The following PCDHGB4 variants were observed in gnomAD, a reference collection of about 807,000 sequenced individuals.
The protein encoded by PCDHGB4 is protocadherin gamma subfamily B, 4.
Under a neutral mutation model 60.5 loss-of-function variants are expected in PCDHGB4, and 38 were observed. The ratio of observed to expected loss-of-function variants is 0.63; its 90% CI spans 0.48 to 0.82. The LOEUF is 0.82. PCDHGB4 is among the 40% of genes least tolerant of loss of function. The pLI, the probability that PCDHGB4 is intolerant of heterozygous loss-of-function variation, is 0.00. For missense variants in PCDHGB4, 1,109 were observed against 1,209.6 expected (o/e 0.92, Z 1.23); for synonymous variants, 456 against 509.7 (o/e 0.89, Z 1.42).
chr5:141,394,211 G>A, intron 1 of PCDHGB4: 1 of 1,613,888 alleles, frequency 6.2e-7, no homozygotes, highest in Non-Finnish European at 8.5e-7. Flanking sequence ...AGAACAACCT[G>A]AGAGGAGCCT....
At chr5:141,403,890 C>A in intron 1 of PCDHGB4, 1 of 1,613,714 alleles carries the variant, frequency 6.2e-7, no homozygotes, top group Non-Finnish European at 8.5e-7. Flanking sequence ...GAAGAATGTT[C>A]ATTTTATGAA....
intron 1 of PCDHGB4, chr5:141,428,481 C>T (rs2097141995): frequency 3.0e-6 from 1 of 331,008 alleles, no homozygotes; most frequent in Non-Finnish European, 5.8e-6. Flanking sequence ...TGCTTTATTC[C>T]TGCAATCTGT....
chr5:141,425,317 C>T (rs78746536), intron 1 of PCDHGB4, among the ~76,000 whole-genome samples: 174 of 152,168 alleles, frequency 1.1e-3, no homozygotes, highest in East Asian at 3.7e-3. Context: ...TTCCCAAGAT[C>T]GTGGAGAACA....
In PCDHGB4 at chr5:141,389,615, G is replaced by A. The variant is rs552257647; in HGVS notation, c.1731G>A (p.Pro577=). 11 of 1,612,972 alleles carry A rather than the reference G, an allele frequency of 6.8e-6. No individual in the cohort carries two copies. The African/African-American group carries it at 8.0e-5, about 12-fold the overall frequency. Residue 577 remains proline, a synonymous_variant, in exon 1 of 4, where the codon CCG becomes CCA. Transcript: ENST00000519479. ...PDGSALFDMV[P]HAAEPGYLVT... ...GCTCTGCGCTCTTCGATATGGTGCC[G>A]CACGCTGCAGAGCCTGGCTACTTGG...
At chr5:141,411,578 T>C (rs892738350) in intron 1 of PCDHGB4, 10 of 152,194 alleles carry the variant, frequency 6.6e-5, no homozygotes, top group African/African-American at 2.4e-4. Flanking sequence ...AGTGCGACCC[T>C]GTCTCTAAAA....
At chr5:141,447,696 G>A (rs1273958794) in intron 1 of PCDHGB4, among the ~76,000 whole-genome samples, 1 of 152,096 alleles carries the variant, frequency 6.6e-6, no homozygotes, top group Non-Finnish European at 1.5e-5. Context: ...TAGAGGGATG[G>A]GTTATAAGGA....
Position 141,487,315 on chromosome 5 carries a change from G to C in PCDHGB4, c.2398-7492G>C, listed in dbSNP as rs568326280. On this transcript the variant is annotated intron_variant, in intron 1 of 3. Transcript: ENST00000519479. The surrounding 1 kb of genome is among the most constrained non-coding windows in gnomAD (Gnocchi z 5.0). ...GCTCATTCGTGGCACTACTCTCTAA[G>C]TGTCTTCGTGGGGCAGCCTGTGGAG... 6.2e-7 allele frequency: 1 copy of C among 1,614,166 alleles called. No individual in the cohort carries two copies. Among genetic ancestry groups the C allele is most frequent in the Admixed American group, 1.7e-5 (1 of 60,028 alleles).
chr5:141,481,288 A>AGTC (rs2099535099), intron 1 of PCDHGB4, among the ~76,000 whole-genome samples: 1 of 152,188 alleles, frequency 6.6e-6, no homozygotes, highest in Admixed American at 6.5e-5. Flanking sequence ...ATGGTATTTC[A>AGTC]GTCATCTAAG....
chr5:141,414,724 G>A (rs1461729604), intron 1 of PCDHGB4: 48 of 1,614,138 alleles, frequency 3.0e-5, no homozygotes, highest in Non-Finnish European at 3.9e-5. Context: ...AGACACTGGC[G>A]TCCTGTATGC....
In PCDHGB4 at chr5:141,414,483, A is replaced by G. The variant is rs756254490; in HGVS notation, c.2397+24202A>G. 20 of 1,613,826 alleles carry G rather than the reference A, an allele frequency of 1.2e-5. No homozygotes were observed. In the Admixed American group the frequency reaches 1.8e-4, roughly 15 times the overall value. ...CCACAGATGGGGGAAGTCCTCCTCT[A>G]TCAACGGAAGCTCACTTTATGCTAC... On this transcript the variant is annotated intron_variant, in intron 1 of 3. Transcript: ENST00000519479.
intron 1 of PCDHGB4, among the ~76,000 whole-genome samples, chr5:141,437,807 G>T (rs910427301): frequency 6.7e-6 from 1 of 149,476 alleles, no homozygotes; most frequent in Non-Finnish European, 1.5e-5. Flanking sequence ...GCACTATCTT[G>T]GCTCACTGCA....
Position 141,487,082 on chromosome 5 carries a change from G to A in PCDHGB4, c.2398-7725G>A, listed in dbSNP as rs2099639361. On this transcript the variant is annotated intron_variant, in intron 1 of 3. Transcript: ENST00000519479. The surrounding 1 kb of genome is among the most constrained non-coding windows in gnomAD (Gnocchi z 5.0). Reference sequence around the variant, plus strand: ...GCGGACGGCTGTTCCTATCCCAGCTGACCTCCCACCACAGAAGCTGGTCAT... The same window carrying A: ...GCGGACGGCTGTTCCTATCCCAGCTAACCTCCCACCACAGAAGCTGGTCAT... The A allele has an allele frequency of 8.1e-6, 13 of 1,614,056 alleles. No individual in the cohort carries two copies. The highest frequency in any genetic ancestry group is 1.1e-5 in the Non-Finnish European group (13 of 1,179,938).
intron 1 of PCDHGB4, chr5:141,419,504 C>T (rs577411043): frequency 4.7e-5 from 75 of 1,612,298 alleles, no homozygotes; most frequent in South Asian, 2.7e-4. Flanking sequence ...TGTGAGCCTG[C>T]GCGTGTTGGT....
At chr5:141,501,290 TACACACACACACACACACACACACAC>T (rs55762287) in intron 2 of PCDHGB4, among the ~76,000 whole-genome samples, 1 of 136,164 alleles carries the variant, frequency 7.3e-6, no homozygotes, top group Non-Finnish European at 1.6e-5. Flanking sequence ...TATTCCCTTA[TACACACACACACACACACACACACAC>T]ACACACACAC....
chr5:141,423,265 G>A (rs973635802), intron 1 of PCDHGB4: 15 of 1,613,548 alleles, frequency 9.3e-6, no homozygotes, highest in African/African-American at 1.3e-5. Context: ...CGGCAGCCTC[G>A]AGTCTCTGGC....
chr5:141,476,801 C>A lies in PCDHGB4; in HGVS notation c.2398-18006C>A, dbSNP rs752954707. The A allele has an allele frequency of 5.8e-5, 94 of 1,613,468 alleles. No homozygotes were observed. The highest frequency in any genetic ancestry group is 7.9e-5 in the Non-Finnish European group (93 of 1,180,028). The stretch of plus-strand genomic sequence containing the variant: ...GACCCCAGCTCTCTCCGCCAGCCTG[C>A]CTATTCACATCAAGGTGCTGGACGC... On this transcript the variant is annotated intron_variant, in intron 1 of 3. Transcript: ENST00000519479. This position sits in a 1 kb window ranked among gnomAD's most constrained non-coding sequence, Gnocchi z 7.6.
chr5:141,404,709 A>G (rs746275941), intron 1 of PCDHGB4: 33 of 1,613,624 alleles, frequency 2.0e-5, no homozygotes, highest in Non-Finnish European at 2.7e-5. Flanking sequence ...GAGCCTGGCT[A>G]CCTGGTGACC....
At chr5:141,497,503 C>CTGCTTCCT (rs1042765123) in intron 2 of PCDHGB4, among the ~76,000 whole-genome samples, 57 of 151,054 alleles carry the variant, frequency 3.8e-4, no homozygotes, top group African/African-American at 1.4e-3. Flanking sequence ...TCTCCTCTCT[C>CTGCTTCCT]TGCTTCCTTA....
chr5:141,482,160 T>G (rs577572891), intron 1 of PCDHGB4, among the ~76,000 whole-genome samples: 1 of 151,854 alleles, frequency 6.6e-6, no homozygotes, highest in Admixed American at 6.6e-5. Context: ...GTCAAAGATA[T>G]GTAAGATTAA....
Sources: gnomAD v4.1 joint callset for allele counts (sites outside exome capture counted in the v4.1 genomes callset) on GRCh38, gnomAD v4.1.1 for gene constraint, Gnocchi (gnomAD v3.1) non-coding constraint, MANE v1.5 for transcripts, NCBI Gene and HGNC (gene_info 2026-07-23, HGNC 2026-07-21) for gene names.